Variants in DPP6 observed in about 807,000 individuals in gnomAD.
DPP6 encodes dipeptidyl peptidase like 6.
A neutral mutation model predicts 122.6 loss-of-function variants in DPP6; 69 were observed. The observed-to-expected ratio is 0.56, with a 90% CI of 0.46 to 0.69. DPP6 has a LOEUF of 0.69. Among genes scored for constraint, DPP6 ranks in the 30% least tolerant of loss-of-function variants. DPP6 has a pLI of 0.00. For synonymous variants in DPP6, 418 were observed against 433.1 expected (o/e 0.97, Z 0.43); for missense variants, 928 against 1,116.9 (o/e 0.83, Z 2.41).
chr7:154,133,540 G>C (rs1439483301), intron 1 of DPP6, among the ~76,000 whole-genome samples: 2 of 152,110 alleles, frequency 1.3e-5, no homozygotes, highest in Non-Finnish European at 2.9e-5. Context: ...TTAGGCATGA[G>C]GCATAATACT....
At chr7:153,801,394 T>C in the DPP6 span, among the ~76,000 whole-genome samples, 1 of 152,028 alleles carries the variant, frequency 6.6e-6, no homozygotes, top group Admixed American at 6.6e-5. Flanking sequence ...CATTACCCTA[T>C]GGGTTCTTTC....
At position 154,063,000 on chromosome 7, in the gene DPP6, C is replaced by T. The variant is rs1405148815; in HGVS notation, c.243+9937C>T. On this transcript the variant is annotated intron_variant, in intron 1 of 25. Transcript: ENST00000377770. ...ACGTGGAATTACTGAGAGCCAGTCC[C>T]TCTTCCCCCCCTGGCTCTGAGGAAC... Among the ~76,000 whole-genome samples, 17 of 134,972 alleles carry T rather than the reference C, an allele frequency of 1.3e-4. 3 individuals carry two copies. The highest frequency in any genetic ancestry group is 4.0e-3 in the Middle Eastern group (1 of 248). The allele number at this position is 134,972 out of a possible 152,430, so 88.5% of individuals were successfully genotyped here. A position where few individuals can be genotyped will look rare whatever the true frequency, so the allele number is the denominator to read the frequency against.
chr7:154,549,675 T>C (rs1448413498), intron 4 of DPP6, among the ~76,000 whole-genome samples: 1 of 152,210 alleles, frequency 6.6e-6, no homozygotes, highest in Non-Finnish European at 1.5e-5. Flanking sequence ...CATCCTTCTT[T>C]CCTTCCTTGG....
chr7:154,866,966 G>A (rs892772597), intron 17 of DPP6, among the ~76,000 whole-genome samples: 8 of 147,912 alleles, frequency 5.4e-5, no homozygotes, highest in African/African-American at 1.5e-4. Context: ...CCGGAGAAGC[G>A]CCCACCTGCA....
At chr7:154,316,020 G>A (rs1807401942) in intron 1 of DPP6, among the ~76,000 whole-genome samples, 1 of 152,176 alleles carries the variant, frequency 6.6e-6, no homozygotes, top group Non-Finnish European at 1.5e-5. Context: ...TGAATGAATT[G>A]TGTCCTCCTC....
chr7:154,859,502 T>C (rs961949275), intron 17 of DPP6, among the ~76,000 whole-genome samples: 2 of 152,242 alleles, frequency 1.3e-5, no homozygotes, highest in Admixed American at 1.3e-4. Flanking sequence ...AGCCCTGCTG[T>C]GAAATTTGAA....
chr7:154,772,262 G>C (rs1796292682), intron 9 of DPP6, among the ~76,000 whole-genome samples: 1 of 152,202 alleles, frequency 6.6e-6, no homozygotes, highest in Non-Finnish European at 1.5e-5. Flanking sequence ...TCGTGGGCCT[G>C]ATAGCCTCTG....
At chr7:154,081,618 C>T (rs1285395028) in intron 1 of DPP6, among the ~76,000 whole-genome samples, 1 of 148,072 alleles carries the variant, frequency 6.8e-6, no homozygotes, top group Non-Finnish European at 1.5e-5. Context: ...GGTTCATGAT[C>T]CGTGGTGGGA....
At chr7:153,773,912 G>T in the DPP6 span, among the ~76,000 whole-genome samples, 1 of 148,938 alleles carries the variant, frequency 6.7e-6, no homozygotes, top group Non-Finnish European at 1.5e-5. Flanking sequence ...CAATTAAACC[G>T]AAAGCTGGTA....
chr7:154,290,647 CAAA>C (rs36088986), intron 1 of DPP6, among the ~76,000 whole-genome samples: 1 of 133,946 alleles, frequency 7.5e-6, no homozygotes. Flanking sequence ...ACTCTGTCTC[CAAA>C]AAAAAAAAAA....
At chr7:153,941,866 T>C (rs376127107) in intron 1 of DPP6, among the ~76,000 whole-genome samples, 1 of 152,150 alleles carries the variant, frequency 6.6e-6, no homozygotes, top group Non-Finnish European at 1.5e-5. Context: ...TCTCTCTGTT[T>C]CTGTTTGTCT....
At chr7:154,866,101 G>A (rs1435893379) in intron 17 of DPP6, among the ~76,000 whole-genome samples, 6 of 152,208 alleles carry the variant, frequency 3.9e-5, no homozygotes, top group African/African-American at 1.4e-4. Flanking sequence ...CGCTTGCGTT[G>A]ATGGAGGAGA....
intron 17 of DPP6, among the ~76,000 whole-genome samples, chr7:154,862,334 G>A (rs1803478778): frequency 6.6e-6 from 1 of 152,220 alleles, no homozygotes; most frequent in South Asian, 2.1e-4. Flanking sequence ...CAGAGAGCCT[G>A]GGAACCAGTC....
At chr7:154,434,144 T>G (rs545329721) in intron 1 of DPP6, among the ~76,000 whole-genome samples, 39 of 152,260 alleles carry the variant, frequency 2.6e-4, no homozygotes, top group Non-Finnish European at 4.7e-4. Context: ...ACAGTCTGAA[T>G]TTTGTTTAAG....
At chr7:154,238,872 T>G (rs1206562175) in intron 1 of DPP6, among the ~76,000 whole-genome samples, 1 of 152,254 alleles carries the variant, frequency 6.6e-6, no homozygotes, top group African/African-American at 2.4e-5. Flanking sequence ...CAATGCCATA[T>G]TGGAAGTTAA....
At chr7:154,247,849 C>T (rs564141152) in intron 1 of DPP6, among the ~76,000 whole-genome samples, 25 of 152,242 alleles carry the variant, frequency 1.6e-4, no homozygotes, top group African/African-American at 6.0e-4. Context: ...TAGAAAGAAG[C>T]CAGGTATCTT....
chr7:154,673,542 C>T (rs915137635), intron 7 of DPP6, among the ~76,000 whole-genome samples: 1 of 152,180 alleles, frequency 6.6e-6, no homozygotes, highest in African/African-American at 2.4e-5. Flanking sequence ...TGGGAGGAGG[C>T]CCCCAGGCTG....
At chr7:154,365,766 ACACGC>A (rs1812111621) in intron 1 of DPP6, among the ~76,000 whole-genome samples, 1 of 151,912 alleles carries the variant, frequency 6.6e-6, no homozygotes, top group South Asian at 2.1e-4. Context: ...ATCCTGACTA[ACACGC>A]CACGGTGAAA....
At chr7:154,543,976 AG>A (rs1201857172) in intron 4 of DPP6, among the ~76,000 whole-genome samples, 1 of 140,598 alleles carries the variant, frequency 7.1e-6, no homozygotes, top group Non-Finnish European at 1.5e-5. Context: ...CCTGGGCAAC[AG>A]AGTGAGACTC....
Sources: allele counts gnomAD v4.1 joint callset (sites outside exome capture counted in the v4.1 genomes callset), GRCh38; gene constraint gnomAD v4.1.1; transcripts MANE v1.5; gene names NCBI Gene and HGNC (gene_info 2026-07-23, HGNC 2026-07-21).